Variants in GSAP observed in about 807,000 individuals in gnomAD.
The protein encoded by GSAP is gamma-secretase activating protein.
Under a neutral mutation model 131.7 loss-of-function variants are expected in GSAP, and 118 were observed. The observed-to-expected ratio is 0.90, with a 90% CI of 0.77 to 1.04. The LOEUF (loss-of-function observed/expected upper bound fraction) is 1.04, where lower values mean the gene tolerates loss of function less well. Ranked by LOEUF, GSAP falls within the 50% of genes least tolerant of loss-of-function variation. The pLI, the probability that GSAP is intolerant of heterozygous loss-of-function variation, is 0.00. For synonymous variants in GSAP, 381 were observed against 363.4 expected (o/e 1.05, Z -0.55); for missense variants, 1,019 against 1,013.2 (o/e 1.01, Z -0.08).
At chr7:77,402,993 A>C (rs1801639267) in intron 3 of GSAP, among the ~76,000 whole-genome samples, 1 of 152,180 alleles carries the variant, frequency 6.6e-6, no homozygotes, top group Admixed American at 6.5e-5. Context: ...AGTAAGCTAA[A>C]GGTAACGGGG....
chr7:77,364,840 C>T (rs988795047), intron 12 of GSAP, among the ~76,000 whole-genome samples: 6 of 152,178 alleles, frequency 3.9e-5, no homozygotes, highest in Admixed American at 6.5e-5. Flanking sequence ...TGTACACAGG[C>T]TCTGTGAAGC....
chr7:77,358,588 A>AT, intron 14 of GSAP, among the ~76,000 whole-genome samples: 2 of 152,324 alleles, frequency 1.3e-5, no homozygotes, highest in East Asian at 3.9e-4. Flanking sequence ...TTTAGACTGA[A>AT]GTTTTATATT....
At chr7:77,404,271 G>C (rs769676901) in intron 3 of GSAP, among the ~76,000 whole-genome samples, 3 of 152,234 alleles carry the variant, frequency 2.0e-5, no homozygotes, top group African/African-American at 7.2e-5. Flanking sequence ...TTCCCACACC[G>C]ATGAGATCTG....
Position 77,326,241 on chromosome 7 carries a change from C to G in GSAP, c.1798G>C (p.Asp600His). The G allele has an allele frequency of 6.2e-7, 1 of 1,613,280 alleles. No homozygotes were observed. The highest frequency in any genetic ancestry group is 1.1e-5 in the South Asian group (1 of 90,990). The part of the protein sequence containing the change: ...PRLTPLLQEE[D>H]SHQRLLMGLM... Reference sequence around the variant, plus strand: ...CCCATGAGCAGCCGCTGGTGGCTGTCTTCCTCCTGCAGGAGGGGTGTTAAT... The same window carrying G: ...CCCATGAGCAGCCGCTGGTGGCTGTGTTCCTCCTGCAGGAGGGGTGTTAAT... The change falls in exon 23 of 31, where the codon GAC (aspartate) becomes CAC (histidine). Residue 600 changes from aspartate (D) to histidine (H), a missense_variant. Asp to His is a moderately conservative substitution (Grantham distance 81, BLOSUM62 -1). Coordinates refer to ENST00000257626, the MANE Select transcript of GSAP (RefSeq NM_017439.4).
intron 28 of GSAP, 73 bp from the exon 29 acceptor site, chr7:77,312,275 A>G (rs1584180999): frequency 2.8e-6 from 2 of 713,198 alleles, no homozygotes; most frequent in East Asian, 2.7e-5. Context: ...ATATCTATTC[A>G]TAATTTTAAA....
At chr7:77,398,703 G>C (rs1800827194) in intron 3 of GSAP, among the ~76,000 whole-genome samples, 1 of 152,072 alleles carries the variant, frequency 6.6e-6, no homozygotes, top group Non-Finnish European at 1.5e-5. Context: ...AGGAGGTCAA[G>C]ACTGCTGTGA....
At chr7:77,343,915 C>T (rs985278466) in intron 19 of GSAP, among the ~76,000 whole-genome samples, 9 of 152,152 alleles carry the variant, frequency 5.9e-5, no homozygotes, top group African/African-American at 2.2e-4. Context: ...CTCAGTGTTC[C>T]ATCTGCTATT....
Position 77,377,383 on chromosome 7 carries a change from T to G in GSAP, c.584A>C (p.Lys195Thr), listed in dbSNP as rs770598726. ...GTCTCTTGGGAGATGGCCAGAATTTTTAATCACCTAAAAATGCAAAAAAAA... is the reference window on the plus strand; with the variant it reads ...GTCTCTTGGGAGATGGCCAGAATTTGTAATCACCTAAAAATGCAAAAAAAA... ...AQEDGNRVVI[K>T]NSGHLPRDRI... is the part of the protein sequence containing the mutation. The change falls in exon 9 of 31, where the codon AAA (lysine) becomes ACA (threonine). Residue 195 changes from lysine to threonine, a missense_variant. Transcript: ENST00000257626. 6.4e-7 allele frequency: 1 copy of G among 1,556,916 alleles called. No homozygotes were observed. The highest frequency in any genetic ancestry group is 1.5e-5 in the African/African-American group (1 of 68,834).
intron 5 of GSAP, among the ~76,000 whole-genome samples, chr7:77,389,390 A>C (rs893728237): frequency 2.0e-5 from 3 of 151,356 alleles, no homozygotes; most frequent in South Asian, 2.1e-4. Context: ...AAAAAAAAAA[A>C]CGCGTCATTT....
At chr7:77,384,928 G>A (rs1025366711) in intron 6 of GSAP, among the ~76,000 whole-genome samples, 1 of 152,050 alleles carries the variant, frequency 6.6e-6, no homozygotes, top group African/African-American at 2.4e-5. Flanking sequence ...CAGAAGGCAG[G>A]GCTAGGGACT....
At chr7:77,380,566 T>C (rs1452926705) in intron 8 of GSAP, among the ~76,000 whole-genome samples, 1 of 152,200 alleles carries the variant, frequency 6.6e-6, no homozygotes, top group Non-Finnish European at 1.5e-5. Flanking sequence ...GGAGCTATTC[T>C]AGTTTACTTG....
chr7:77,331,343 A>C (rs982661844), intron 19 of GSAP, among the ~76,000 whole-genome samples: 1 of 152,194 alleles, frequency 6.6e-6, no homozygotes, highest in South Asian at 2.1e-4. Flanking sequence ...GTGTTGAAGG[A>C]TATTCTGACA....
intron 10 of GSAP, among the ~76,000 whole-genome samples, chr7:77,376,488 T>C (rs1796879310): frequency 6.6e-6 from 1 of 152,074 alleles, no homozygotes; most frequent in South Asian, 2.1e-4. Flanking sequence ...AAGAGAGTAA[T>C]CTATAGGCTG....
chr7:77,400,371 C>G (rs574122251), intron 3 of GSAP, among the ~76,000 whole-genome samples: 1 of 152,222 alleles, frequency 6.6e-6, no homozygotes, highest in Non-Finnish European at 1.5e-5. Context: ...GAAACCAAAA[C>G]TTTCACTACC....
chr7:77,358,101 GA>G (rs1442997156), intron 14 of GSAP, among the ~76,000 whole-genome samples: 1 of 152,202 alleles, frequency 6.6e-6, no homozygotes, highest in East Asian at 1.9e-4. Context: ...AGCACTTTGG[GA>G]GGCTGAGGCA....
chr7:77,311,152 A>G lies in GSAP; in HGVS notation c.*206T>C. 3.8e-6 allele frequency: 2 copies of G among 529,298 alleles called. No homozygotes were observed. The highest frequency in any genetic ancestry group is 6.8e-6 in the Non-Finnish European group (2 of 295,728). 32.8% of individuals were successfully genotyped at this position (529,298 alleles called of 1,614,324 possible). A position where few individuals can be genotyped will look rare whatever the true frequency, so the allele number is the denominator to read the frequency against. ...CTTAGGCCATTTATCATTTCTCTAC[A>G]CTTGATTGCTCACTGGCTATTCAAA... On this transcript the variant is annotated 3_prime_UTR_variant, in exon 31 of 31. Coordinates refer to ENST00000257626, the MANE Select transcript of GSAP (RefSeq NM_017439.4).
chr7:77,365,687 T>C (rs144600383), intron 12 of GSAP, among the ~76,000 whole-genome samples: 398 of 152,282 alleles, frequency 2.6e-3, no homozygotes, highest in African/African-American at 8.3e-3. Flanking sequence ...CACGCTGCAA[T>C]TGACATTTGC....
chr7:77,389,698 G>C (rs1799167353), intron 5 of GSAP, among the ~76,000 whole-genome samples: 1 of 152,116 alleles, frequency 6.6e-6, no homozygotes, highest in Non-Finnish European at 1.5e-5. Context: ...GGACATTTGG[G>C]TTGGTTCCAA....
At chr7:77,351,672 T>C (rs1792885011) in intron 18 of GSAP, 9 of 985,774 alleles carry the variant, frequency 9.1e-6, no homozygotes, top group Admixed American at 6.1e-5. Flanking sequence ...CCACAATAGC[T>C]GCTCCACCCT....
Sources: gnomAD v4.1 joint callset for allele counts (sites outside exome capture counted in the v4.1 genomes callset) on GRCh38, gnomAD v4.1.1 for gene constraint, MANE v1.5 for transcripts, NCBI Gene and HGNC (gene_info 2026-07-23, HGNC 2026-07-21) for gene names.